Variants in TAFA4 observed in about 807,000 individuals in gnomAD.
TAFA4 encodes chemokine-like protein TAFA-4.
Under a neutral mutation model 21.1 loss-of-function variants are expected in TAFA4, and 20 were observed. That is an observed-to-expected ratio of 0.95 (90% confidence interval 0.67 to 1.38). The LOEUF is 1.38. TAFA4 is among the 40% of genes most tolerant of loss of function. The pLI, the probability that TAFA4 is intolerant of heterozygous loss-of-function variation, is 0.00. For missense variants in TAFA4, 211 were observed against 180.9 expected (o/e 1.17, Z -0.95); for synonymous variants, 71 against 67.4 (o/e 1.05, Z -0.26).
chr3:68,917,573 T>G (rs13318203), intron 1 of TAFA4, among the ~76,000 whole-genome samples: 38,853 of 151,216 alleles, frequency 0.26, 5,321 homozygotes, highest in African/African-American at 0.36. Flanking sequence ...ACCAATATGG[T>G]GAAACCCCAT....
chr3:68,932,149 G>C (rs1306483611), intron 1 of TAFA4, 91 bp downstream of exon 1: 1 of 152,062 alleles, frequency 6.6e-6, no homozygotes, highest in Non-Finnish European at 1.5e-5. Flanking sequence ...GAGAGGCAGC[G>C]GCTGCCCACG....
chr3:68,929,055 A>T (rs982087002), intron 1 of TAFA4, among the ~76,000 whole-genome samples: 1 of 152,068 alleles, frequency 6.6e-6, no homozygotes, highest in Non-Finnish European at 1.5e-5. Context: ...TACAACAGGA[A>T]GAATTTCTCT....
At chr3:68,830,479 T>C (rs1337365561) in intron 3 of TAFA4, among the ~76,000 whole-genome samples, 2 of 152,246 alleles carry the variant, frequency 1.3e-5, no homozygotes, top group African/African-American at 4.8e-5. Flanking sequence ...TTGTTCACTT[T>C]CCATGTAGTT....
chr3:68,854,833 G>A (rs895402275), intron 3 of TAFA4, among the ~76,000 whole-genome samples: 1 of 151,826 alleles, frequency 6.6e-6, no homozygotes, highest in Non-Finnish European at 1.5e-5. Context: ...TACGCTTCTG[G>A]AAAACAGACT....
intron 1 of TAFA4, among the ~76,000 whole-genome samples, chr3:68,914,998 G>C (rs2089991250): frequency 6.6e-6 from 1 of 152,132 alleles, no homozygotes; most frequent in Non-Finnish European, 1.5e-5. Context: ...TATAACAGTA[G>C]CTATAACAGA....
chr3:68,895,665 A>T (rs2089781420), intron 1 of TAFA4, among the ~76,000 whole-genome samples: 1 of 152,170 alleles, frequency 6.6e-6, no homozygotes. Flanking sequence ...TTCTGTGTTC[A>T]ATGGGTCACC....
At chr3:68,737,269 GA>G (rs1331247406) in intron 5 of TAFA4, among the ~76,000 whole-genome samples, 4 of 152,092 alleles carry the variant, frequency 2.6e-5, no homozygotes, top group African/African-American at 9.7e-5. Flanking sequence ...GCTGAAATGG[GA>G]CAAGGGAAAG....
At chr3:68,769,884 T>C (rs979093654) in intron 3 of TAFA4, among the ~76,000 whole-genome samples, 7 of 152,202 alleles carry the variant, frequency 4.6e-5, no homozygotes, top group Non-Finnish European at 1.5e-5. Context: ...AAACAATCAG[T>C]AAATTCTTTT....
At chr3:68,813,860 C>G (rs894518015) in intron 3 of TAFA4, among the ~76,000 whole-genome samples, 2 of 151,972 alleles carry the variant, frequency 1.3e-5, no homozygotes, top group Non-Finnish European at 2.9e-5. Flanking sequence ...AGAGACACAA[C>G]AAAAAAAGAG....
chr3:68,824,410 C>T (rs1704181200), intron 3 of TAFA4, among the ~76,000 whole-genome samples: 1 of 152,076 alleles, frequency 6.6e-6, no homozygotes, highest in African/African-American at 2.4e-5. Flanking sequence ...CCTGTTCCAT[C>T]GTAAAAGTAC....
intron 4 of TAFA4, among the ~76,000 whole-genome samples, chr3:68,750,621 C>A (rs1026672531): frequency 1.3e-5 from 2 of 152,116 alleles, no homozygotes; most frequent in African/African-American, 2.4e-5. Context: ...CCCATACATA[C>A]AATTTAAAAC....
intron 1 of TAFA4, among the ~76,000 whole-genome samples, chr3:68,911,433 G>A (rs1051194886): frequency 2.6e-5 from 4 of 152,168 alleles, no homozygotes; most frequent in Non-Finnish European, 5.9e-5. Flanking sequence ...TGCTCAACAA[G>A]GTCCCATGCT....
intron 4 of TAFA4, among the ~76,000 whole-genome samples, chr3:68,740,683 T>TTTG (rs1702332992): frequency 6.6e-6 from 1 of 152,180 alleles, no homozygotes; most frequent in African/African-American, 2.4e-5. Context: ...TATTTTTGCT[T>TTTG]TTGTTGCCTG....
intron 5 of TAFA4, among the ~76,000 whole-genome samples, chr3:68,738,676 T>C (rs561119322): frequency 2.6e-5 from 4 of 152,320 alleles, no homozygotes; most frequent in African/African-American, 9.6e-5. Flanking sequence ...TTCTAAGTCT[T>C]GAATAAGAAT....
At chr3:68,751,751 C>A (rs1702559401) in intron 4 of TAFA4, among the ~76,000 whole-genome samples, 2 of 152,216 alleles carry the variant, frequency 1.3e-5, no homozygotes, top group African/African-American at 2.4e-5. Flanking sequence ...CATTTCACTG[C>A]AGATATAGTA....
At chr3:68,765,733 A>C (rs1024713053) in intron 3 of TAFA4, among the ~76,000 whole-genome samples, 35 of 152,332 alleles carry the variant, frequency 2.3e-4, no homozygotes, top group African/African-American at 7.9e-4. Context: ...CAAAGTACAG[A>C]AGTGGACACA....
At position 68,752,910 on chromosome 3, in the gene TAFA4, G is replaced by A. The variant is rs146024975; in HGVS notation, c.239C>T (p.Pro80Leu). 1.5e-4 allele frequency: 242 copies of A among 1,613,882 alleles called. No homozygotes were observed. The highest frequency in any genetic ancestry group is 1.9e-4 in the Non-Finnish European group (226 of 1,180,012). ...CCGAGTTGTGCCCGCCACCTGTCCC[G>A]GGAAGCAAGAGCACTTGACCGTTTG... ...RSQTVKCSCF[P>L]GQVAGTTRAQ... Residue 80 changes from proline to leucine, a missense_variant, in exon 4 of 6, where the codon CCG (proline) becomes CTG (leucine). Transcript: ENST00000295569.
intron 5 of TAFA4, among the ~76,000 whole-genome samples, chr3:68,738,202 A>G (rs1351313177): frequency 6.6e-6 from 1 of 152,202 alleles, no homozygotes; most frequent in Non-Finnish European, 1.5e-5. Context: ...ATGAAGAGGG[A>G]ACAGCCCATG....
intron 3 of TAFA4, among the ~76,000 whole-genome samples, chr3:68,762,218 T>C (rs1296027812): frequency 7.0e-6 from 1 of 142,676 alleles, no homozygotes; most frequent in African/African-American, 2.6e-5. Flanking sequence ...AAAAAAAAAA[T>C]GTAGCAGAAG....
Sources: allele counts gnomAD v4.1 joint callset (sites outside exome capture counted in the v4.1 genomes callset), GRCh38; gene constraint gnomAD v4.1.1; transcripts MANE v1.5; gene names NCBI Gene and HGNC (gene_info 2026-07-23, HGNC 2026-07-21).